THAP4: variants seen among roughly 807,000 people sequenced by gnomAD.
THAP4 encodes peroxynitrite isomerase THAP4.
A neutral mutation model predicts 48.1 loss-of-function variants in THAP4; 18 were observed. The ratio of observed to expected loss-of-function variants is 0.37; its 90% CI spans 0.26 to 0.56. THAP4 has a LOEUF of 0.56. THAP4 is among the 20% of genes least tolerant of loss of function. THAP4 has a pLI of 0.78. For missense variants in THAP4, 656 were observed against 774.9 expected, an observed-to-expected ratio of 0.85 and a Z score of 1.82; for synonymous variants, 345 against 324.9, an observed-to-expected ratio of 1.06 and a Z score of -0.66.
intron 5 of THAP4, among the ~76,000 whole-genome samples, chr2:241,590,307 G>A (rs71430349): frequency 2.8e-5 from 1 of 36,216 alleles, no homozygotes; most frequent in African/African-American, 1.3e-4. Flanking sequence ...CTGATGATGA[G>A]GGGCACTAGG....
In THAP4 at chr2:241,587,744, GA is replaced by G. The variant is rs528063522; in HGVS notation, c.1615-3020del. On this transcript the variant is annotated intron_variant, in intron 5 of 5. Transcript: ENST00000407315. ...ATATCTCTAAATAACCCTGTTCAAAGAAAAAAAAAATCACTACAAAATTAGC... is the reference window on the plus strand; with the variant it reads ...ATATCTCTAAATAACCCTGTTCAAAGAAAAAAAAATCACTACAAAATTAGC... Among the ~76,000 whole-genome samples the G allele has an allele frequency of 4.5e-4, 67 of 149,052 alleles. 1 individual carries two copies. The South Asian group carries it at 6.8e-3, about 15-fold the overall frequency.
chr2:241,635,481 G>C (rs1175196951), intron 1 of THAP4, among the ~76,000 whole-genome samples: 1 of 152,326 alleles, frequency 6.6e-6, no homozygotes, highest in African/African-American at 2.4e-5. Flanking sequence ...TGGGCCGGGC[G>C]GGGTGGCTTA....
At position 241,616,184 on chromosome 2, in the gene THAP4, T is replaced by C. The variant is rs1334787604; in HGVS notation, c.1241-9711A>G. On this transcript the variant is annotated intron_variant, in intron 2 of 5. Coordinates refer to ENST00000407315, the MANE Select transcript of THAP4 (RefSeq NM_015963.6). This position sits in a 1 kb window ranked among gnomAD's most constrained non-coding sequence, Gnocchi z 4.6. ...CCTGGATGGGCCAGAACCTTTTACG[T>C]AGGAGGGACGTGGCCCGGGCTTTCT... Among the ~76,000 whole-genome samples, 1 of 151,950 alleles carries C rather than the reference T, an allele frequency of 6.6e-6. No individual in the cohort carries two copies. Among genetic ancestry groups the C allele is most frequent in the African/African-American group, 2.4e-5 (1 of 41,342 alleles).
Position 241,636,967 on chromosome 2 carries a change from G to C in THAP4, c.51C>G (p.Gly17=). ...TGTGGAAGGAGACGGCGCGCTTCTC[G>C]CCCTTTCCCTGCCGGTTGGAGCAGT... ...AVNCSNRQGK[G]EKRAVSFHRF... The change falls in exon 1 of 6, where the codon GGC becomes GGG. Residue 17 remains glycine (G), a synonymous_variant. Coordinates refer to ENST00000407315, the MANE Select transcript of THAP4 (RefSeq NM_015963.6). The C allele has an allele frequency of 7.6e-7, 1 of 1,316,260 alleles. No individual in the cohort carries two copies. 81.5% of individuals were successfully genotyped at this position (1,316,260 alleles called of 1,614,324 possible).
In THAP4 at chr2:241,637,076, G is replaced by C. The variant is rs1378753591; in HGVS notation, c.-59C>G. 6 of 1,075,560 alleles carry C rather than the reference G, an allele frequency of 5.6e-6. No individual in the cohort carries two copies. The highest frequency in any genetic ancestry group is 5.6e-6 in the Non-Finnish European group (5 of 887,306). The allele number at this position is 1,075,560 out of a possible 1,614,324, so 66.6% of individuals were successfully genotyped here. ...CGGCCCTAGCCGCCCGCCCGCCCGC[G>C]GACCGCCCCGAGGGAGGGAGCGCGG... is the stretch of plus-strand genomic sequence containing the variant. On this transcript the variant is annotated 5_prime_UTR_variant, in exon 1 of 6. Coordinates refer to ENST00000407315, the MANE Select transcript of THAP4 (RefSeq NM_015963.6).
intron 5 of THAP4, among the ~76,000 whole-genome samples, chr2:241,585,802 A>G (rs1324313755): frequency 6.6e-6 from 1 of 151,178 alleles, no homozygotes; most frequent in Non-Finnish European, 1.5e-5. Context: ...AGTCCCAGCT[A>G]CTCGGGAAGT....
intron 2 of THAP4, among the ~76,000 whole-genome samples, chr2:241,631,265 T>C (rs1350576802): frequency 6.6e-6 from 1 of 152,184 alleles, no homozygotes; most frequent in African/African-American, 2.4e-5. Context: ...CCTGAAAATC[T>C]TGTCCCACTA....
intron 2 of THAP4, chr2:241,617,394 C>T (rs1308340532): frequency 6.6e-7 from 1 of 1,520,628 alleles, no homozygotes; most frequent in South Asian, 1.2e-5. Flanking sequence ...TGGCCCAAGA[C>T]ACTGAAAGCA....
chr2:241,623,014 G>A (rs1037729286), intron 2 of THAP4, among the ~76,000 whole-genome samples: 8 of 149,130 alleles, frequency 5.4e-5, no homozygotes, highest in East Asian at 2.1e-4. Flanking sequence ...TCAGGAGATC[G>A]AGACCACCCT....
At chr2:241,593,782 G>A (rs946842664) in intron 5 of THAP4, among the ~76,000 whole-genome samples, 2 of 152,146 alleles carry the variant, frequency 1.3e-5, no homozygotes, top group African/African-American at 4.8e-5. Flanking sequence ...CGGCTCCCAG[G>A]CTCAAGCGAT....
upstream of THAP4, chr2:241,637,387 CAG>C: frequency 7.1e-7 from 1 of 1,415,688 alleles, no homozygotes; most frequent in Middle Eastern, 1.8e-4. Flanking sequence ...CGGACGGGGA[CAG>C]AGCTCGCCTC....
In THAP4 at chr2:241,633,770, C is replaced by T. The variant is rs2067601513; in HGVS notation, c.387G>A (p.Pro129=). 9.9e-6 allele frequency: 16 copies of T among 1,613,248 alleles called. No individual in the cohort carries two copies. Among genetic ancestry groups the T allele is most frequent in the African/African-American group, 2.7e-5 (2 of 74,936 alleles). Reference sequence around the variant, plus strand: ...TGGCCATCGGGTTTCCACTCGAGGACGGTGACCAACCTGCAGCTCCTCTGC... The same window carrying T: ...TGGCCATCGGGTTTCCACTCGAGGATGGTGACCAACCTGCAGCTCCTCTGC... ...ATSRGAAGWS[P]SSSGNPMAKP... Residue 129 remains proline (P), a synonymous_variant, in exon 2 of 6, where the codon CCG becomes CCA. Transcript: ENST00000407315. The surrounding 1 kb of genome is among the most constrained non-coding windows in gnomAD (Gnocchi z 7.5).
chr2:241,590,538 TGGGCACTAGGACACTCAG>T (rs2066952648), intron 5 of THAP4, among the ~76,000 whole-genome samples: 1 of 39,736 alleles, frequency 2.5e-5, no homozygotes. Flanking sequence ...CGGCTGATGA[TGGGCACTAGGACACTCAG>T]AACTGCCCGG....
intron 5 of THAP4, among the ~76,000 whole-genome samples, chr2:241,597,371 T>A (rs1475326221): frequency 6.6e-6 from 1 of 152,150 alleles, no homozygotes; most frequent in Non-Finnish European, 1.5e-5. Context: ...TGACCTCAGG[T>A]AATCCACCTG....
intron 2 of THAP4, among the ~76,000 whole-genome samples, chr2:241,619,001 G>C (rs1466609190): frequency 6.6e-6 from 1 of 152,136 alleles, no homozygotes; most frequent in African/African-American, 2.4e-5. Context: ...CCAGTCTTCC[G>C]TCTCACCCAA....
intron 2 of THAP4, among the ~76,000 whole-genome samples, chr2:241,626,453 AAAAAC>A (rs896207279): frequency 3.9e-5 from 6 of 152,176 alleles, no homozygotes; most frequent in South Asian, 2.1e-4. Flanking sequence ...AAACAAAAAC[AAAAAC>A]AAAACAAAAC....
At position 241,584,551 on chromosome 2, in the gene THAP4, C is replaced by CG; in HGVS notation, c.*54dup. The CG allele has an allele frequency of 6.2e-7, 1 of 1,607,294 alleles. No individual in the cohort carries two copies. Among genetic ancestry groups the CG allele is most frequent in the Admixed American group, 1.7e-5 (1 of 59,790 alleles). On this transcript the variant is annotated 3_prime_UTR_variant, in exon 6 of 6. Coordinates refer to ENST00000407315, the MANE Select transcript of THAP4 (RefSeq NM_015963.6). ...CCGCAGGGACTGTCTGTTGAGGAGC[C>CG]GAACCGTTGAGGCACAGTAGCCAGG...
chr2:241,620,051 AGGG>A (rs2067402769), intron 2 of THAP4, among the ~76,000 whole-genome samples: 1 of 49,220 alleles, frequency 2.0e-5, no homozygotes, highest in Non-Finnish European at 3.7e-5. Flanking sequence ...GGAGTGAGTG[AGGG>A]GTGAGTGAGG....
At chr2:241,618,141 G>A (rs1015278289) in intron 2 of THAP4, among the ~76,000 whole-genome samples, 3 of 152,206 alleles carry the variant, frequency 2.0e-5, no homozygotes, top group African/African-American at 4.8e-5. Context: ...CAGGAACACC[G>A]TGATATGTTT....
Sources: gnomAD v4.1 joint callset for allele counts (sites outside exome capture counted in the v4.1 genomes callset) on GRCh38, gnomAD v4.1.1 for gene constraint, Gnocchi (gnomAD v3.1) non-coding constraint, MANE v1.5 for transcripts, NCBI Gene and HGNC (gene_info 2026-07-23, HGNC 2026-07-21) for gene names.